The following ZMIZ1 variants were observed in gnomAD, a reference collection of about 807,000 sequenced individuals.
ZMIZ1 encodes the protein zinc finger MIZ domain-containing protein 1.
Under a neutral mutation model 113.9 loss-of-function variants are expected in ZMIZ1, and 17 were observed. The ratio of observed to expected loss-of-function variants is 0.15; its 90% CI spans 0.10 to 0.22. The LOEUF (loss-of-function observed/expected upper bound fraction) is 0.22, where lower values mean the gene tolerates loss of function less well. Among genes scored for constraint, ZMIZ1 ranks in the 10% least tolerant of loss-of-function variants. The pLI is 1.00. For synonymous variants in ZMIZ1, 607 were observed against 603.1 expected (o/e 1.01, Z -0.09); for missense variants, 1,059 against 1,477.8 (o/e 0.72, Z 4.65).
intron 7 of ZMIZ1, among the ~76,000 whole-genome samples, chr10:79,256,523 C>T (rs900852491): frequency 3.3e-5 from 5 of 152,218 alleles, no homozygotes; most frequent in South Asian, 2.1e-4. Flanking sequence ...TGGGCTAGGG[C>T]GGCCACTCCA....
intron 1 of ZMIZ1, among the ~76,000 whole-genome samples, chr10:79,083,052 T>C (rs939690936): frequency 6.6e-6 from 1 of 152,224 alleles, no homozygotes; most frequent in Non-Finnish European, 1.5e-5. Context: ...GGGGATACAT[T>C]GGTGAATTTG....
chr10:79,172,768 C>G (rs149822604), intron 4 of ZMIZ1, among the ~76,000 whole-genome samples: 1 of 152,208 alleles, frequency 6.6e-6, no homozygotes, highest in South Asian at 2.1e-4. Context: ...TCCAAAAAAT[C>G]ATTTTAAGTT....
intron 4 of ZMIZ1, among the ~76,000 whole-genome samples, chr10:79,177,792 T>G (rs1248539489): frequency 1.3e-5 from 2 of 152,224 alleles, no homozygotes; most frequent in Non-Finnish European, 2.9e-5. Context: ...AGTATATGCA[T>G]GCTTGCTGCA....
chr10:79,079,442 G>C (rs532902334), intron 1 of ZMIZ1, among the ~76,000 whole-genome samples: 4 of 152,376 alleles, frequency 2.6e-5, no homozygotes, highest in African/African-American at 9.6e-5. Flanking sequence ...GTCCCTGGCC[G>C]TTGAATGGAG....
chr10:79,216,306 C>A, intron 7 of ZMIZ1, 32 bp downstream of exon 7: 1 of 1,555,080 alleles, frequency 6.4e-7, no homozygotes, highest in Non-Finnish European at 8.7e-7. Flanking sequence ...TGCGATGTCA[C>A]TGGGAGGTGG....
chr10:79,117,102 A>G (rs1180736367), intron 1 of ZMIZ1, among the ~76,000 whole-genome samples: 2 of 152,230 alleles, frequency 1.3e-5, no homozygotes, highest in Admixed American at 6.5e-5. Context: ...CCCACCCTCC[A>G]CTAAGACAGA....
intron 2 of ZMIZ1, among the ~76,000 whole-genome samples, chr10:79,132,390 C>G (rs1038042442): frequency 6.6e-6 from 1 of 152,184 alleles, no homozygotes; most frequent in African/African-American, 2.4e-5. Context: ...CCCAGGTCCT[C>G]GTGCAGGTGT....
chr10:79,256,874 T>C (rs1481714484), intron 7 of ZMIZ1, among the ~76,000 whole-genome samples: 1 of 152,226 alleles, frequency 6.6e-6, no homozygotes, highest in Non-Finnish European at 1.5e-5. Context: ...GTGATTTTGC[T>C]CTAGTTTTTC....
At chr10:79,073,831 G>T (rs1362983967) in intron 1 of ZMIZ1, among the ~76,000 whole-genome samples, 1 of 126,768 alleles carries the variant, frequency 7.9e-6, no homozygotes, top group Admixed American at 7.3e-5. Context: ...GAGGGCTGGG[G>T]TTGGGTCGGG....
At chr10:79,082,197 A>G (rs972961467) in intron 1 of ZMIZ1, among the ~76,000 whole-genome samples, 2 of 152,190 alleles carry the variant, frequency 1.3e-5, no homozygotes, top group African/African-American at 4.8e-5. Context: ...CCCACCAGAA[A>G]CACTCGTCCT....
intron 2 of ZMIZ1, among the ~76,000 whole-genome samples, chr10:79,133,960 C>A (rs1253809747): frequency 6.6e-6 from 1 of 152,226 alleles, no homozygotes; most frequent in Admixed American, 6.5e-5. Flanking sequence ...CTCCTAACAA[C>A]TTTTACATAA....
At chr10:79,121,235 CTG>C (rs1305230851) in intron 2 of ZMIZ1, among the ~76,000 whole-genome samples, 2 of 152,178 alleles carry the variant, frequency 1.3e-5, no homozygotes, top group Admixed American at 6.5e-5. Context: ...GATAAGGAAA[CTG>C]AGGCTCAGAG....
chr10:79,160,857 G>T (rs2132490256), intron 3 of ZMIZ1, among the ~76,000 whole-genome samples: 1 of 152,394 alleles, frequency 6.6e-6, no homozygotes. Context: ...CCTGCAGTCA[G>T]GTTTCCTGGT....
chr10:79,165,020 G>T (rs1395827395), intron 4 of ZMIZ1, among the ~76,000 whole-genome samples: 2 of 152,138 alleles, frequency 1.3e-5, no homozygotes, highest in East Asian at 3.9e-4. Flanking sequence ...CAGGGTTGAG[G>T]GAAAGAGCCA....
intron 1 of ZMIZ1, among the ~76,000 whole-genome samples, chr10:79,098,013 T>C (rs925424525): frequency 6.6e-6 from 1 of 152,212 alleles, no homozygotes; most frequent in African/African-American, 2.4e-5. Flanking sequence ...CCCTGTTGGA[T>C]TCAAGATGCC....
At chr10:79,086,071 C>T (rs1842802849) in intron 1 of ZMIZ1, among the ~76,000 whole-genome samples, 1 of 152,180 alleles carries the variant, frequency 6.6e-6, no homozygotes, top group Admixed American at 6.5e-5. Flanking sequence ...GCATTTTTAC[C>T]TCCAGGATAG....
At chr10:79,122,122 T>C (rs1471947084) in intron 2 of ZMIZ1, among the ~76,000 whole-genome samples, 1 of 152,076 alleles carries the variant, frequency 6.6e-6, no homozygotes, top group Non-Finnish European at 1.5e-5. Flanking sequence ...GTAGCAATTG[T>C]GGGATTTAGC....
In ZMIZ1 at chr10:79,089,810, T is replaced by C. The variant is rs544128857; in HGVS notation, c.-337+20540T>C. On this transcript the variant is annotated intron_variant, in intron 1 of 24. Transcript: ENST00000334512. The stretch of plus-strand genomic sequence containing the variant: ...CCCACCCCCTACCCCTCAGGCCACC[T>C]GCTCCCTTTTTACCCAGGCACATGT... 2.3e-4 allele frequency among the ~76,000 whole-genome samples: 33 copies of C among 144,556 alleles called. No individual in the cohort carries two copies. In the South Asian group the frequency reaches 7.1e-3, roughly 31 times the overall value. 94.8% of individuals were successfully genotyped at this position (144,556 alleles called of 152,430 possible).
At chr10:79,181,859 C>T (rs1471932283) in intron 4 of ZMIZ1, among the ~76,000 whole-genome samples, 1 of 152,212 alleles carries the variant, frequency 6.6e-6, no homozygotes, top group East Asian at 1.9e-4. Flanking sequence ...CGCCTCCCAG[C>T]CACCACCACC....
Sources: allele counts gnomAD v4.1 joint callset (sites outside exome capture counted in the v4.1 genomes callset), GRCh38; gene constraint gnomAD v4.1.1; transcripts MANE v1.5; gene names NCBI Gene and HGNC (gene_info 2026-07-23, HGNC 2026-07-21).